Variants in TCP11L2 observed in about 807,000 individuals in gnomAD.
TCP11L2 encodes T-complex protein 11-like protein 2.
In TCP11L2, 39 loss-of-function variants were observed where a neutral mutation model predicts 50.7. The ratio of observed to expected loss-of-function variants is 0.77; its 90% CI spans 0.60 to 1.01. The LOEUF (loss-of-function observed/expected upper bound fraction) is 1.01, where lower values mean the gene tolerates loss of function less well. Among genes scored for constraint, TCP11L2 ranks in the 50% least tolerant of loss-of-function variants. The pLI is 0.00. For synonymous variants in TCP11L2, 192 were observed against 219.3 expected (o/e 0.88, Z 1.10); for missense variants, 612 against 614.7 (o/e 1.00, Z 0.05).
rs137966176 is a variant in TCP11L2, at chr12:106,346,489, G to A, written c.1519G>A (p.Glu507Lys). The change falls in exon 10 of 10, where the codon GAA becomes AAA. Residue 507 changes from glutamate (E) to lysine (K), a missense_variant. Coordinates refer to ENST00000299045, the MANE Select transcript of TCP11L2 (RefSeq NM_152772.3). ...NILRKLLFNE[E>K]AMGKVDASPP... ...ACTTCGAAAGCTGCTCTTCAATGAG[G>A]AAGCCATGGGGAAGGTAGATGCTTC... The A allele has an allele frequency of 1.5e-4, 240 of 1,614,090 alleles. No individual in the cohort carries two copies. The African/African-American group carries it at 2.9e-3, about 19-fold the overall frequency.
intron 6 of TCP11L2, among the ~76,000 whole-genome samples, chr12:106,335,039 G>A (rs2035868972): frequency 6.6e-6 from 1 of 152,150 alleles, no homozygotes; most frequent in Non-Finnish European, 1.5e-5. Flanking sequence ...AAGAGAGAAT[G>A]ACAATTGTTT....
Position 106,314,564 on chromosome 12 carries a change from TGTGTGTGTGTGTGA to T in TCP11L2, c.293+73_293+86del, listed in dbSNP as rs1182669835. 1.2e-4 allele frequency: 113 copies of T among 977,576 alleles called. No individual in the cohort carries two copies. The African/African-American group carries it at 1.7e-3, about 15-fold the overall frequency. 60.6% of individuals were successfully genotyped at this position (977,576 alleles called of 1,614,324 possible). On this transcript the variant is annotated intron_variant, in intron 3 of 9. Coordinates refer to ENST00000299045, the MANE Select transcript of TCP11L2 (RefSeq NM_152772.3). ...GTGTGTGTGTGTGTGTGTGTGTGTG[TGTGTGTGTGTGTGA>T]GAGAGAGAGAGAGAGAGAGAGAGAC...
chr12:106,325,911 A>C (rs1031112823), intron 6 of TCP11L2: 3 of 151,398 alleles, frequency 2.0e-5, no homozygotes, highest in African/African-American at 4.9e-5. Flanking sequence ...AAAAAAAAAA[A>C]AACCCACACA....
Position 106,336,209 on chromosome 12 carries a change from A to C in TCP11L2, c.1138A>C (p.Lys380Gln), listed in dbSNP as rs1344985847. 1.9e-6 allele frequency: 3 copies of C among 1,604,378 alleles called. No homozygotes were observed. The highest frequency in any genetic ancestry group is 4.5e-5 in the East Asian group (2 of 44,800). The change falls in exon 8 of 10, where the codon AAA becomes CAA. Residue 380 changes from lysine to glutamine, a missense_variant. Transcript: ENST00000299045. ...ISAVLLEGMN[K>Q]ETFNLKEVLN... Reference sequence around the variant, plus strand: ...AGCTGTTCTACTTGAAGGCATGAACAAAGAGTAAGTTCCAAATTTTTGCAT... The same window carrying C: ...AGCTGTTCTACTTGAAGGCATGAACCAAGAGTAAGTTCCAAATTTTTGCAT...
chr12:106,310,735 G>A (rs77500357), intron 1 of TCP11L2, among the ~76,000 whole-genome samples: 2 of 152,314 alleles, frequency 1.3e-5, no homozygotes, highest in African/African-American at 4.8e-5. Flanking sequence ...CAACCCAGGA[G>A]GAGAGAGCAT....
intron 9 of TCP11L2, among the ~76,000 whole-genome samples, chr12:106,343,157 G>C (rs2036138590): frequency 6.6e-6 from 1 of 152,130 alleles, no homozygotes; most frequent in Non-Finnish European, 1.5e-5. Flanking sequence ...CAAACACTCC[G>C]GTCACTTTAG....
intron 1 of TCP11L2, among the ~76,000 whole-genome samples, chr12:106,306,733 A>G (rs2034646380): frequency 6.6e-6 from 1 of 152,232 alleles, no homozygotes; most frequent in Non-Finnish European, 1.5e-5. Context: ...AGTACTTGAC[A>G]GATACTATTT....
intron 1 of TCP11L2, among the ~76,000 whole-genome samples, chr12:106,309,694 C>T (rs1287175432): frequency 1.3e-5 from 2 of 151,358 alleles, no homozygotes; most frequent in African/African-American, 4.9e-5. Context: ...CTTATTCCCC[C>T]TTTTCCCATC....
At chr12:106,314,572 TGTGTGAGA>T (rs1196957053) in intron 3 of TCP11L2, 79 bp downstream of exon 3, 494 of 840,370 alleles carry the variant, frequency 5.9e-4, no homozygotes, top group East Asian at 4.7e-3. Flanking sequence ...TGTGTGTGTG[TGTGTGAGA>T]GAGAGAGAGA....
intron 7 of TCP11L2, 46 bp from the exon 8 acceptor site, chr12:106,335,986 T>TCAGGAGAGA: frequency 6.5e-7 from 1 of 1,526,750 alleles, no homozygotes; most frequent in Non-Finnish European, 8.8e-7. Flanking sequence ...ATTTTCATGC[T>TCAGGAGAGA]ATTGAGCTAC....
At position 106,323,574 on chromosome 12, in the gene TCP11L2, A is replaced by T; in HGVS notation, c.700A>T (p.Arg234Ter). 2 of 1,609,284 alleles carry T rather than the reference A, an allele frequency of 1.2e-6. No homozygotes were observed. The highest frequency in any genetic ancestry group is 1.7e-6 in the Non-Finnish European group (2 of 1,177,920). The change falls in exon 6 of 10, where the codon AGA becomes TGA. Residue 234 changes from arginine to a stop codon, truncating the protein, a stop_gained. Coordinates refer to ENST00000299045, the MANE Select transcript of TCP11L2 (RefSeq NM_152772.3). LOFTEE classifies it high-confidence loss of function. ...GGCCAATTTTACAATTATGAGTCTC[A>T]GACCGCACCTTCAACGCCAGTTGGT... is the stretch of plus-strand genomic sequence containing the variant. ...DMANFTIMSL[R>*]PHLQRQLVEY... is the part of the protein sequence containing the mutation.
At chr12:106,317,887 G>A (rs770680900) in intron 3 of TCP11L2, among the ~76,000 whole-genome samples, 2 of 152,202 alleles carry the variant, frequency 1.3e-5, no homozygotes, top group Non-Finnish European at 2.9e-5. Flanking sequence ...AACTTTAAAT[G>A]GGACACCTAA....
chr12:106,327,274 G>C (rs2035583924), intron 6 of TCP11L2, among the ~76,000 whole-genome samples: 1 of 151,592 alleles, frequency 6.6e-6, no homozygotes, highest in Non-Finnish European at 1.5e-5. Context: ...ACTTACTCTA[G>C]CCTCCAATTC....
In TCP11L2 at chr12:106,346,418, T is replaced by C. The variant is rs200201951; in HGVS notation, c.1448T>C (p.Ile483Thr). 12 of 1,614,188 alleles carry C rather than the reference T, an allele frequency of 7.4e-6. No homozygotes were observed. The highest frequency in any genetic ancestry group is 6.7e-5 in the East Asian group (3 of 44,876). Residue 483 changes from isoleucine to threonine, a missense_variant, in exon 10 of 10, where the codon ATT becomes ACT. Coordinates refer to ENST00000299045, the MANE Select transcript of TCP11L2 (RefSeq NM_152772.3). ...GCCCTAGGCTCTCAATATGCAAACA[T>C]TGTGAATCTCAACAAACAAGTGTAT... The part of the protein sequence containing the change: ...LEALGSQYAN[I>T]VNLNKQVYGP...
rs1592981572 is a variant in TCP11L2 at position 106,341,076 on chromosome 12, A to C, written c.1315+78A>C. 6 of 1,250,830 alleles carry C rather than the reference A, an allele frequency of 4.8e-6. No homozygotes were observed. In the East Asian group the frequency reaches 1.4e-4, roughly 30 times the overall value. The allele number at this position is 1,250,830 out of a possible 1,614,324, so 77.5% of individuals were successfully genotyped here. A position where few individuals can be genotyped will look rare whatever the true frequency, so the allele number is the denominator to read the frequency against. Reference sequence around the variant, plus strand: ...ATTTTGACTAACATTAAGTCAGTCAAATTTTGATCTTAAACACATTACCCA... The same window carrying C: ...ATTTTGACTAACATTAAGTCAGTCACATTTTGATCTTAAACACATTACCCA... On this transcript the variant is annotated intron_variant, in intron 9 of 9. Coordinates refer to ENST00000299045, the MANE Select transcript of TCP11L2 (RefSeq NM_152772.3).
At chr12:106,338,212 GT>G (rs2035982665) in intron 8 of TCP11L2, among the ~76,000 whole-genome samples, 1 of 152,090 alleles carries the variant, frequency 6.6e-6, no homozygotes, top group Non-Finnish European at 1.5e-5. Context: ...ACATGTACAG[GT>G]TTTTTACGTG....
chr12:106,319,480 G>A (rs1033798433), intron 4 of TCP11L2, among the ~76,000 whole-genome samples: 9 of 152,164 alleles, frequency 5.9e-5, no homozygotes, highest in African/African-American at 1.9e-4. Flanking sequence ...CTGGAGTAGC[G>A]TGAAGGCTGG....
At chr12:106,339,126 C>T (rs940058337) in intron 8 of TCP11L2, among the ~76,000 whole-genome samples, 17 of 152,010 alleles carry the variant, frequency 1.1e-4, no homozygotes, top group African/African-American at 2.7e-4. Flanking sequence ...GCCTGGGTGA[C>T]GGAGTGAGAC....
At chr12:106,303,150 TGGGAGCG>T (rs368828753) in intron 1 of TCP11L2, 1 of 152,128 alleles carries the variant, frequency 6.6e-6, no homozygotes, top group African/African-American at 2.4e-5. Flanking sequence ...CCGTCCCGCG[TGGGAGCG>T]GGGAGCGGGG....
Sources: gnomAD v4.1 joint callset for allele counts (sites outside exome capture counted in the v4.1 genomes callset) on GRCh38, gnomAD v4.1.1 for gene constraint, MANE v1.5 for transcripts, NCBI Gene and HGNC (gene_info 2026-07-23, HGNC 2026-07-21) for gene names.